DPP6: variants seen among roughly 807,000 people sequenced by gnomAD.
DPP6 encodes dipeptidyl peptidase like 6, also known as A-type potassium channel modulatory protein DPP6.
Under a neutral mutation model 122.6 loss-of-function variants are expected in DPP6, and 69 were observed. The observed-to-expected ratio is 0.56, with a 90% CI of 0.46 to 0.69. The LOEUF (loss-of-function observed/expected upper bound fraction) is 0.69. Ranked by LOEUF, DPP6 falls within the 30% of genes least tolerant of loss-of-function variation. The pLI is 0.00. For synonymous variants in DPP6, 418 were observed against 433.1 expected (o/e 0.97, Z 0.43); for missense variants, 928 against 1,116.9 (o/e 0.83, Z 2.41).
rs534398070 is a variant in DPP6 at position 154,364,382 on chromosome 7, C to T, written c.244-81832C>T. Among the ~76,000 whole-genome samples the T allele has an allele frequency of 1.1e-3, 174 of 152,236 alleles. 2 individuals are homozygous for T. The highest frequency in any genetic ancestry group is 3.9e-3 in the African/African-American group (161 of 41,540). The stretch of plus-strand genomic sequence containing the variant: ...CACACTTATGCCGCACTGGAGAAAC[C>T]GACCTGCCAGCCCAGCTCATCTCCT... On this transcript the variant is annotated intron_variant, in intron 1 of 25. Coordinates refer to ENST00000377770, the MANE Select transcript of DPP6 (RefSeq NM_130797.4).
chr7:154,787,206 T>C (rs894560475), intron 10 of DPP6, among the ~76,000 whole-genome samples: 2 of 152,240 alleles, frequency 1.3e-5, no homozygotes, highest in African/African-American at 4.8e-5. Flanking sequence ...AAAATAATAA[T>C]CCCTTGTCAT....
At chr7:153,881,740 T>C in the DPP6 span, among the ~76,000 whole-genome samples, 2 of 152,164 alleles carry the variant, frequency 1.3e-5, no homozygotes, top group African/African-American at 4.8e-5. Context: ...TTCCAGGTGA[T>C]AGTGTACTGA....
intron 2 of DPP6, among the ~76,000 whole-genome samples, chr7:154,465,266 A>G (rs1443538813): frequency 2.6e-5 from 4 of 152,260 alleles, no homozygotes; most frequent in African/African-American, 4.8e-5. Context: ...TTTTGAAAAT[A>G]CAAATTTTAT....
chr7:154,621,618 T>C (rs998394701), intron 5 of DPP6, among the ~76,000 whole-genome samples: 6 of 152,174 alleles, frequency 3.9e-5, no homozygotes, highest in Non-Finnish European at 5.9e-5. Flanking sequence ...CCGCCCACCT[T>C]GGCCTCCCAA....
chr7:153,930,195 C>T (rs543274806), intron 1 of DPP6, among the ~76,000 whole-genome samples: 2 of 152,358 alleles, frequency 1.3e-5, no homozygotes, highest in East Asian at 1.9e-4. Context: ...TGAATCAAGA[C>T]ACAGAGTACA....
intron 1 of DPP6, among the ~76,000 whole-genome samples, chr7:154,149,243 A>G (rs1796282227): frequency 6.6e-6 from 1 of 152,302 alleles, no homozygotes; most frequent in African/African-American, 2.4e-5. Flanking sequence ...CATCCTGCAC[A>G]CGCTGCCCCA....
rs149622552 is a variant in DPP6 at position 154,475,261 on chromosome 7, C to T, written c.457+224C>T. The T allele has an allele frequency of 4.5e-4, 224 of 500,034 alleles. 4 individuals carry two copies. In the East Asian group the frequency reaches 8.8e-3, roughly 20 times the overall value. 31.0% of individuals were successfully genotyped at this position (500,034 alleles called of 1,614,324 possible). On this transcript the variant is annotated intron_variant, in intron 3 of 25. Transcript: ENST00000377770. ...TGTTGCCTCCCGAGCATCCACACAGCCTTCACTTAATGAGAAATGGGTCTG... is the reference window on the plus strand; with the variant it reads ...TGTTGCCTCCCGAGCATCCACACAGTCTTCACTTAATGAGAAATGGGTCTG...
At chr7:154,040,469 C>T (rs553110385) in intron 1 of DPP6, among the ~76,000 whole-genome samples, 34 of 150,108 alleles carry the variant, frequency 2.3e-4, no homozygotes, top group Admixed American at 2.0e-3. Context: ...TGTAAGATGA[C>T]CTGCAACATA....
intron 6 of DPP6, among the ~76,000 whole-genome samples, chr7:154,658,722 AG>A (rs1286909253): frequency 6.6e-6 from 1 of 152,172 alleles, no homozygotes; most frequent in Non-Finnish European, 1.5e-5. Context: ...CTTTAGAGTA[AG>A]GGGGCAGTAG....
At chr7:154,122,492 G>T (rs1470905952) in intron 1 of DPP6, among the ~76,000 whole-genome samples, 1 of 152,094 alleles carries the variant, frequency 6.6e-6, no homozygotes, top group African/African-American at 2.4e-5. Context: ...AAGAGATGGG[G>T]GTTAAATTCC....
Position 153,907,957 on chromosome 7 carries a change from G to A in DPP6, c.51+20223G>A, listed in dbSNP as rs200364460. On this transcript the variant is annotated intron_variant, in intron 1 of 25. Coordinates refer to the DPP6 transcript ENST00000404039. ...TTTAGATATCTGGAGGGCTTTTATG[G>A]AAATAGACACAGATTTGTTTTCTAT... 3.3e-5 allele frequency among the ~76,000 whole-genome samples: 5 copies of A among 151,232 alleles called. No homozygotes were observed. The East Asian group carries it at 9.8e-4, about 30-fold the overall frequency.
chr7:153,971,735 A>C (rs1233386165), intron 1 of DPP6, among the ~76,000 whole-genome samples: 11 of 143,290 alleles, frequency 7.7e-5, no homozygotes, highest in Non-Finnish European at 1.5e-4. Flanking sequence ...ATAAGTATTG[A>C]GCTAAAGGTC....
intron 2 of DPP6, among the ~76,000 whole-genome samples, chr7:154,449,904 A>G (rs1419833797): frequency 6.6e-6 from 1 of 151,956 alleles, no homozygotes; most frequent in African/African-American, 2.4e-5. Flanking sequence ...GCTACTTGGG[A>G]GGCTGAGGCA....
chr7:153,931,308 C>T (rs902135475), intron 1 of DPP6, among the ~76,000 whole-genome samples: 1 of 151,798 alleles, frequency 6.6e-6, no homozygotes, highest in African/African-American at 2.4e-5. Flanking sequence ...GGAGGTGCTT[C>T]AAAGATTTGC....
chr7:154,204,544 C>T (rs1278404547), intron 1 of DPP6, among the ~76,000 whole-genome samples: 1 of 152,202 alleles, frequency 6.6e-6, no homozygotes, highest in Non-Finnish European at 1.5e-5. Flanking sequence ...CTCCTCTCCC[C>T]AGTGTGAACA....
At chr7:154,224,480 C>G (rs888064939) in intron 1 of DPP6, among the ~76,000 whole-genome samples, 3 of 149,230 alleles carry the variant, frequency 2.0e-5, no homozygotes, top group Non-Finnish European at 4.4e-5. Context: ...ACTGTGTACT[C>G]TAAATGTTTC....
intron 1 of DPP6, among the ~76,000 whole-genome samples, chr7:154,121,278 C>G (rs1807437803): frequency 1.3e-5 from 2 of 152,170 alleles, no homozygotes; most frequent in South Asian, 2.1e-4. Flanking sequence ...TACTTCTGCT[C>G]TATTATTTAT....
intron 16 of DPP6, among the ~76,000 whole-genome samples, chr7:154,807,677 C>T (rs533703958): frequency 6.6e-6 from 1 of 152,100 alleles, no homozygotes; most frequent in African/African-American, 2.4e-5. Flanking sequence ...CAAAAATTAG[C>T]CGGGCCTGGT....
chr7:154,497,412 A>C (rs1159091792), intron 3 of DPP6, among the ~76,000 whole-genome samples: 2 of 152,146 alleles, frequency 1.3e-5, no homozygotes, highest in Admixed American at 6.5e-5. Context: ...GTTTGAAACC[A>C]GCCTGGCCAA....
Sources: allele counts gnomAD v4.1 joint callset (sites outside exome capture counted in the v4.1 genomes callset), GRCh38; gene constraint gnomAD v4.1.1; transcripts MANE v1.5; gene names NCBI Gene and HGNC (gene_info 2026-07-23, HGNC 2026-07-21).